The following CNTNAP5 variants were observed in gnomAD, a reference collection of about 807,000 sequenced individuals.
The protein encoded by CNTNAP5 is contactin-associated protein-like 5.
A neutral mutation model predicts 150.2 loss-of-function variants in CNTNAP5; 72 were observed. The observed-to-expected ratio is 0.48, with a 90% CI of 0.40 to 0.58. The LOEUF is 0.58. Ranked by LOEUF, CNTNAP5 falls within the 20% of genes least tolerant of loss-of-function variation. CNTNAP5 has a pLI of 0.00. For synonymous variants in CNTNAP5, 672 were observed against 619.8 expected (o/e 1.08, Z -1.25); for missense variants, 1,636 against 1,626.2 (o/e 1.01, Z -0.10).
intron 12 of CNTNAP5, among the ~76,000 whole-genome samples, chr2:124,633,003 A>T (rs1403816078): frequency 6.6e-6 from 1 of 151,902 alleles, no homozygotes; most frequent in East Asian, 1.9e-4. Flanking sequence ...CTATTTAAAA[A>T]CCCACCCCAT....
At chr2:124,669,074 G>A (rs540005208) in intron 13 of CNTNAP5, among the ~76,000 whole-genome samples, 1 of 152,176 alleles carries the variant, frequency 6.6e-6, no homozygotes, top group Non-Finnish European at 1.5e-5. Flanking sequence ...AATTCAGCAT[G>A]TGTTCTTTCT....
chr2:124,046,161 C>T (rs533739242), intron 1 of CNTNAP5, among the ~76,000 whole-genome samples: 23 of 152,112 alleles, frequency 1.5e-4, no homozygotes, highest in South Asian at 2.1e-4. Flanking sequence ...TAGCACCTGA[C>T]GGAGTGAGTG....
chr2:124,609,437 TA>T (rs1209017007), intron 11 of CNTNAP5, among the ~76,000 whole-genome samples: 1 of 152,108 alleles, frequency 6.6e-6, no homozygotes. Context: ...AACATTTTTT[TA>T]AAAAAATTAG....
intron 22 of CNTNAP5, among the ~76,000 whole-genome samples, chr2:124,905,054 A>G (rs1239805811): frequency 6.8e-6 from 1 of 147,966 alleles, no homozygotes; most frequent in Non-Finnish European, 1.5e-5. Flanking sequence ...AAAAAAAAAA[A>G]AGAAAGAAAG....
At chr2:124,891,089 T>C (rs1288639670) in intron 21 of CNTNAP5, among the ~76,000 whole-genome samples, 1 of 152,116 alleles carries the variant, frequency 6.6e-6, no homozygotes, top group Non-Finnish European at 1.5e-5. Flanking sequence ...TATCTCACCA[T>C]TTTGTGGGTT....
chr2:124,543,251 T>C (rs1695431588), intron 10 of CNTNAP5, among the ~76,000 whole-genome samples: 1 of 152,036 alleles, frequency 6.6e-6, no homozygotes, highest in African/African-American at 2.4e-5. Flanking sequence ...ATGTAGTCTA[T>C]AAATAACACA....
At chr2:124,504,633 C>G in intron 8 of CNTNAP5, 77 bp downstream of exon 8, 6 of 1,431,694 alleles carry the variant, frequency 4.2e-6, no homozygotes, top group Non-Finnish European at 5.8e-6. Flanking sequence ...CAAAAACATA[C>G]AGAATCCAAA....
At chr2:124,390,876 T>A (rs1375592589) in intron 3 of CNTNAP5, among the ~76,000 whole-genome samples, 1 of 152,214 alleles carries the variant, frequency 6.6e-6, no homozygotes, top group Non-Finnish European at 1.5e-5. Flanking sequence ...AGGTACCTAC[T>A]TTCCATAAAG....
intron 11 of CNTNAP5, among the ~76,000 whole-genome samples, chr2:124,572,562 C>T (rs776390386): frequency 1.7e-4 from 26 of 152,070 alleles, no homozygotes; most frequent in African/African-American, 2.7e-4. Flanking sequence ...GGATGTTTTT[C>T]AAGGGTGGAT....
chr2:124,753,724 G>A (rs757063697), intron 14 of CNTNAP5, among the ~76,000 whole-genome samples: 2 of 152,114 alleles, frequency 1.3e-5, no homozygotes, highest in African/African-American at 4.8e-5. Flanking sequence ...ACTGATGGAC[G>A]CTGAGATTGT....
intron 13 of CNTNAP5, among the ~76,000 whole-genome samples, chr2:124,668,610 A>G (rs1678747566): frequency 6.6e-6 from 1 of 152,198 alleles, no homozygotes; most frequent in Non-Finnish European, 1.5e-5. Flanking sequence ...TATGAAACAC[A>G]GGAAAGGTTT....
Position 124,772,936 on chromosome 2 carries a change from G to T in CNTNAP5, c.2671G>T (p.Val891Leu). 6.2e-7 allele frequency: 1 copy of T among 1,613,772 alleles called. No homozygotes were observed. The highest frequency in any genetic ancestry group is 1.1e-5 in the South Asian group (1 of 91,080). Reference sequence around the variant, plus strand: ...GAACCTCAAGGAGACCTCCCTGCAGGTGGACAACCTTCCAAGGAGCACCAG... The same window carrying T: ...GAACCTCAAGGAGACCTCCCTGCAGTTGGACAACCTTCCAAGGAGCACCAG... Reference protein sequence around the residue: ...ERNLKETSLQVDNLPRSTRET... With the variant: ...ERNLKETSLQLDNLPRSTRET... The change falls in exon 17 of 24, where the codon GTG becomes TTG. Residue 891 changes from valine (V) to leucine (L), a missense_variant. Val to Leu is a conservative substitution (Grantham distance 32). Coordinates refer to ENST00000682447, the MANE Select transcript of CNTNAP5 (RefSeq NM_001367498.1).
chr2:124,553,125 G>A (rs1695667426), intron 10 of CNTNAP5, among the ~76,000 whole-genome samples: 1 of 152,168 alleles, frequency 6.6e-6, no homozygotes, highest in Admixed American at 6.5e-5. Context: ...TGGCATTGTG[G>A]CAATGTTCTT....
rs1292397814 is a variant in CNTNAP5, at chr2:124,214,061, T to C, written c.83-7644T>C. ...AGCCCAGTTTAGATATTGCAGAGAC[T>C]CTGAAATGGACAAAAAATGTATAGA... On this transcript the variant is annotated intron_variant, in intron 1 of 23. Coordinates refer to ENST00000682447, the MANE Select transcript of CNTNAP5 (RefSeq NM_001367498.1). Among the ~76,000 whole-genome samples the C allele has an allele frequency of 2.0e-5, 3 of 152,130 alleles. No homozygotes were observed. In the East Asian group the frequency reaches 5.8e-4, roughly 29 times the overall value.
chr2:124,446,032 T>A (rs1465505868), intron 5 of CNTNAP5, among the ~76,000 whole-genome samples: 3 of 151,558 alleles, frequency 2.0e-5, no homozygotes, highest in African/African-American at 7.3e-5. Context: ...CTCAAAGGGG[T>A]CTTCCAAACT....
At chr2:124,049,988 T>C (rs1476497270) in intron 1 of CNTNAP5, among the ~76,000 whole-genome samples, 1 of 152,150 alleles carries the variant, frequency 6.6e-6, no homozygotes, top group Non-Finnish European at 1.5e-5. Flanking sequence ...TCTGCCCTCA[T>C]GATCTAATCA....
chr2:124,037,931 T>G (rs918443554), intron 1 of CNTNAP5, among the ~76,000 whole-genome samples: 1 of 152,170 alleles, frequency 6.6e-6, no homozygotes. Context: ...CAATAAAATT[T>G]TGTACTAATT....
At chr2:124,877,923 C>T (rs977999876) in intron 21 of CNTNAP5, among the ~76,000 whole-genome samples, 1 of 151,696 alleles carries the variant, frequency 6.6e-6, no homozygotes, top group Admixed American at 6.6e-5. Context: ...TTTATTTTTC[C>T]CCTGGTCATT....
intron 1 of CNTNAP5, among the ~76,000 whole-genome samples, chr2:124,061,042 C>G (rs549067743): frequency 6.6e-6 from 1 of 152,172 alleles, no homozygotes; most frequent in African/African-American, 2.4e-5. Context: ...TGAGCACATT[C>G]CCCTTCCGTT....
Sources: allele counts gnomAD v4.1 joint callset (sites outside exome capture counted in the v4.1 genomes callset), GRCh38; gene constraint gnomAD v4.1.1; transcripts MANE v1.5; gene names NCBI Gene and HGNC (gene_info 2026-07-23, HGNC 2026-07-21).